The following TMEM63C variants were observed in gnomAD, a reference collection of about 807,000 sequenced individuals.
TMEM63C encodes the protein transmembrane protein 63C.
In TMEM63C, 32 loss-of-function variants were observed where a neutral mutation model predicts 99.2. That is an observed-to-expected ratio of 0.32 (90% CI 0.24 to 0.43). The LOEUF (loss-of-function observed/expected upper bound fraction) is 0.43, where lower values mean the gene tolerates loss of function less well. TMEM63C is among the 20% of genes least tolerant of loss of function. The probability of loss-of-function intolerance (pLI) is 1.00; values close to 1 mark genes in which losing one functional copy is unlikely to be tolerated. For synonymous variants in TMEM63C, 376 were observed against 397.9 expected (o/e 0.94, Z 0.66); for missense variants, 826 against 1,053.0 (o/e 0.78, Z 2.98).
chr14:77,209,321 A>G (rs1016745805), intron 1 of TMEM63C, among the ~76,000 whole-genome samples: 1 of 152,122 alleles, frequency 6.6e-6, no homozygotes, highest in African/African-American at 2.4e-5. Flanking sequence ...TTGGTAGCCA[A>G]TGTGCGCTAT....
chr14:77,255,069 C>T (rs548074311), intron 23 of TMEM63C, among the ~76,000 whole-genome samples: 4 of 152,216 alleles, frequency 2.6e-5, no homozygotes, highest in Non-Finnish European at 5.9e-5. Context: ...TGGCTCACTG[C>T]AACCTCCATC....
chr14:77,249,488 C>A lies in TMEM63C; in HGVS notation c.2038+30C>A, dbSNP rs755086414. The A allele has an allele frequency of 3.1e-6, 5 of 1,609,436 alleles. No homozygotes were observed. In the Admixed American group the frequency reaches 8.4e-5, roughly 27 times the overall value. ...GTACCAAGCCAGCCTGGAGACCCCA[C>A]CTCCACCTGCCCCACTGTTCTGTGA... On this transcript the variant is annotated intron_variant, in intron 21 of 23. Coordinates refer to ENST00000298351, the MANE Select transcript of TMEM63C (RefSeq NM_020431.4).
chr14:77,189,204 G>A (rs1888058099), intron 1 of TMEM63C, among the ~76,000 whole-genome samples: 1 of 151,456 alleles, frequency 6.6e-6, no homozygotes, highest in Admixed American at 6.6e-5. Flanking sequence ...TCACTTTTCA[G>A]GCTCAAGCGA....
At chr14:77,187,784 C>T (rs1340361157) in intron 1 of TMEM63C, among the ~76,000 whole-genome samples, 3 of 152,194 alleles carry the variant, frequency 2.0e-5, no homozygotes, top group East Asian at 3.9e-4. Flanking sequence ...GGCCTGGTGT[C>T]CCCGTGACTC....
At chr14:77,199,548 C>T (rs1028298399) in intron 1 of TMEM63C, among the ~76,000 whole-genome samples, 1 of 152,172 alleles carries the variant, frequency 6.6e-6, no homozygotes, top group Non-Finnish European at 1.5e-5. Context: ...TATCCTTGTT[C>T]CCACTGGTTT....
intron 1 of TMEM63C, among the ~76,000 whole-genome samples, chr14:77,190,981 G>T (rs527904884): frequency 3.3e-5 from 5 of 151,938 alleles, no homozygotes; most frequent in Non-Finnish European, 7.4e-5. Flanking sequence ...GAACAAGATT[G>T]TCAACTGAAA....
At chr14:77,186,751 G>T (rs1888000821) in intron 1 of TMEM63C, among the ~76,000 whole-genome samples, 2 of 145,070 alleles carry the variant, frequency 1.4e-5, no homozygotes, top group African/African-American at 2.5e-5. Context: ...ACCTGGCAGA[G>T]GGGGAATCTT....
At chr14:77,222,109 G>A (rs920920884) in intron 5 of TMEM63C, among the ~76,000 whole-genome samples, 1 of 152,104 alleles carries the variant, frequency 6.6e-6, no homozygotes, top group African/African-American at 2.4e-5. Flanking sequence ...CTCTCCCACT[G>A]GGCCCCAGCC....
intron 16 of TMEM63C, among the ~76,000 whole-genome samples, 190 bp downstream of exon 16, chr14:77,244,645 T>C (rs1889237925): frequency 6.6e-6 from 1 of 152,184 alleles, no homozygotes; most frequent in South Asian, 2.1e-4. Context: ...AGGGTCTGGG[T>C]TGACTCTGGG....
chr14:77,240,628 C>A lies in TMEM63C; in HGVS notation c.1064+20C>A. On this transcript the variant is annotated intron_variant, in intron 13 of 23. Transcript: ENST00000298351. ...CAAGCGGTGAGCACCAGGCAGGCGC[C>A]CCACCCAGCCCCAAGCATACTCCTG... 1 of 1,604,006 alleles carries A rather than the reference C, an allele frequency of 6.2e-7. No homozygotes were observed.
chr14:77,245,574 C>T (rs1254180032), intron 16 of TMEM63C, among the ~76,000 whole-genome samples: 2 of 152,202 alleles, frequency 1.3e-5, no homozygotes, highest in Non-Finnish European at 2.9e-5. Context: ...ACTTGCAGTT[C>T]CATGTGGCTG....
chr14:77,210,692 G>T (rs1470518537), intron 1 of TMEM63C, among the ~76,000 whole-genome samples: 1 of 152,166 alleles, frequency 6.6e-6, no homozygotes, highest in Non-Finnish European at 1.5e-5. Context: ...GGAGAAGAAG[G>T]AAGAAGGGGA....
intron 1 of TMEM63C, among the ~76,000 whole-genome samples, chr14:77,211,091 A>G (rs1401771227): frequency 6.6e-6 from 1 of 152,220 alleles, no homozygotes; most frequent in Non-Finnish European, 1.5e-5. Flanking sequence ...TTCCTGGCTC[A>G]GCCCACTCTG....
At chr14:77,230,543 G>A (rs1214710047) in intron 6 of TMEM63C, among the ~76,000 whole-genome samples, 1 of 152,150 alleles carries the variant, frequency 6.6e-6, no homozygotes, top group African/African-American at 2.4e-5. Context: ...AGCAGGAGGT[G>A]AGCGAGCATT....
chr14:77,198,516 GC>G (rs1888246651), intron 1 of TMEM63C, among the ~76,000 whole-genome samples: 1 of 152,194 alleles, frequency 6.6e-6, no homozygotes, highest in African/African-American at 2.4e-5. Context: ...GGAGCAAAAT[GC>G]CCAGAGCCAC....
chr14:77,248,245 G>C (rs751024051), intron 18 of TMEM63C, 102 bp from the exon 19 acceptor site: 5 of 1,030,016 alleles, frequency 4.9e-6, no homozygotes, highest in Admixed American at 4.7e-5. Context: ...TCTCCACTCC[G>C]ATTCCCATTC....
At position 77,249,292 on chromosome 14, in the gene TMEM63C, G is replaced by T. The variant is rs775958195; in HGVS notation, c.1872G>T (p.Gly624=). ...TAAGTTTCCACCTTTGTCCCCCAGG[G>T]TTGCTCTACCTGTGCATGAAGCACT... is the stretch of plus-strand genomic sequence containing the variant. ...SITCPIIVPF[G]LLYLCMKHLT... Residue 624 remains glycine (G), a splice_region_variant and synonymous_variant, in exon 21 of 24, where the codon GGG becomes GGT. Coordinates refer to ENST00000298351, the MANE Select transcript of TMEM63C (RefSeq NM_020431.4). 1.2e-6 allele frequency: 2 copies of T among 1,613,758 alleles called. No individual in the cohort carries two copies. The highest frequency in any genetic ancestry group is 8.5e-7 in the Non-Finnish European group (1 of 1,179,828).
At chr14:77,182,561 C>T (rs761703058) in intron 1 of TMEM63C, among the ~76,000 whole-genome samples, 3 of 152,176 alleles carry the variant, frequency 2.0e-5, no homozygotes, top group Non-Finnish European at 4.4e-5. Flanking sequence ...CCCTACAGAG[C>T]TGGCCTCCCA....
chr14:77,246,577 A>G, intron 17 of TMEM63C, 32 bp from the exon 18 acceptor site: 1 of 1,600,620 alleles, frequency 6.2e-7, no homozygotes, highest in Non-Finnish European at 8.5e-7. Flanking sequence ...TAGGTTTGCT[A>G]ACTAACAGAC....
Sources: gnomAD v4.1 joint callset for allele counts (sites outside exome capture counted in the v4.1 genomes callset) on GRCh38, gnomAD v4.1.1 for gene constraint, MANE v1.5 for transcripts, NCBI Gene and HGNC (gene_info 2026-07-23, HGNC 2026-07-21) for gene names.